Variants in SMG1 observed in about 807,000 individuals in gnomAD.
SMG1 encodes the protein serine/threonine-protein kinase SMG1.
Under a neutral mutation model 419.9 loss-of-function variants are expected in SMG1, and 22 were observed. The observed-to-expected ratio is 0.05, with a 90% confidence interval of 0.04 to 0.07. The LOEUF is 0.07. SMG1 is among the 10% of genes least tolerant of loss of function. The probability of loss-of-function intolerance (pLI) is 1.00; values close to 1 mark genes in which losing one functional copy is unlikely to be tolerated. For missense variants in SMG1, 3,185 were observed against 4,342.0 expected (o/e 0.73, Z 7.49); for synonymous variants, 1,538 against 1,553.5 (o/e 0.99, Z 0.23).
chr16:18,877,762 T>A (rs1467162055), intron 11 of SMG1: 14 of 153,010 alleles, frequency 9.1e-5, no homozygotes, highest in Admixed American at 9.1e-4. Flanking sequence ...GAAAAATATA[T>A]CTAAGCTATA....
chr16:18,835,066 C>T lies in SMG1; in HGVS notation c.8156G>A (p.Ser2719Asn), dbSNP rs759072906. 2 of 1,614,002 alleles carry T rather than the reference C, an allele frequency of 1.2e-6. No homozygotes were observed. The highest frequency in any genetic ancestry group is 4.5e-5 in the East Asian group (2 of 44,882). Reference sequence around the variant, plus strand: ...GCGTTCCACTTGTCTAATAAGTCTGCTGTTGATGTCTGCTGCGTATCGCTG... The same window carrying T: ...GCGTTCCACTTGTCTAATAAGTCTGTTGTTGATGTCTGCTGCGTATCGCTG... ...TLQRYAADIN[S>N]RLIRQVERLK... Residue 2719 changes from serine to asparagine, a missense_variant, in exon 49 of 63, where the codon AGC becomes AAC. Coordinates refer to ENST00000446231, the MANE Select transcript of SMG1 (RefSeq NM_015092.5).
chr16:18,872,677 G>A, intron 13 of SMG1, 53 bp from the exon 14 acceptor site: 1 of 1,268,742 alleles, frequency 7.9e-7, no homozygotes, highest in Non-Finnish European at 1.1e-6. Context: ...ATAAGCACAA[G>A]CATACAGAGT....
At chr16:18,890,783 T>A in intron 5 of SMG1, 80 bp downstream of exon 5, 1 of 742,082 alleles carries the variant, frequency 1.3e-6, no homozygotes, top group Non-Finnish European at 2.4e-6. Flanking sequence ...GCCAGTGGGT[T>A]TGTCTTCTTG....
Position 18,833,406 on chromosome 16 carries a change from T to C in SMG1, c.8566-240A>G, listed in dbSNP as rs182587103. Among the ~76,000 whole-genome samples, 757 of 152,286 alleles carry C rather than the reference T, an allele frequency of 5.0e-3. 6 individuals carry two copies. Among genetic ancestry groups the C allele is most frequent in the Middle Eastern group, 0.024 (7 of 294 alleles). On this transcript the variant is annotated intron_variant, in intron 50 of 62. Coordinates refer to ENST00000446231, the MANE Select transcript of SMG1 (RefSeq NM_015092.5). ...TTCAAATGACTTTAAAAAGTTGTCATATAATTAAACATTCCTAGGATGATG... is the reference window on the plus strand; with the variant it reads ...TTCAAATGACTTTAAAAAGTTGTCACATAATTAAACATTCCTAGGATGATG...
Position 18,805,720 on chromosome 16 carries a change from G to GT in SMG1, c.*3848dup, listed in dbSNP as rs1247701102. On this transcript the variant is annotated 3_prime_UTR_variant, in exon 63 of 63. Transcript: ENST00000446231. Reference sequence around the variant, plus strand: ...ACAAAATCTACCTTCTTTAACCCTTGTATTAGTAATTCTACCTCCTTGGCT... The same window carrying GT: ...ACAAAATCTACCTTCTTTAACCCTTGTTATTAGTAATTCTACCTCCTTGGCT... The GT allele has an allele frequency of 1.3e-5, 2 of 152,070 alleles. No homozygotes were observed. Among genetic ancestry groups the GT allele is most frequent in the Non-Finnish European group, 2.9e-5 (2 of 68,014 alleles). The allele number at this position is 152,070 out of a possible 1,614,324, so 9.4% of individuals were successfully genotyped here. A position where few individuals can be genotyped will look rare whatever the true frequency, so the allele number is the denominator to read the frequency against.
In SMG1 at chr16:18,806,189, G is replaced by C. The variant is rs1034461009; in HGVS notation, c.*3380C>G. ...CTCTTTCCTTAAATTTCACACGTCAGAACAACCACAATTAAAAAAACAAAA... is the reference window on the plus strand; with the variant it reads ...CTCTTTCCTTAAATTTCACACGTCACAACAACCACAATTAAAAAAACAAAA... On this transcript the variant is annotated 3_prime_UTR_variant, in exon 63 of 63. Transcript: ENST00000446231. 1 of 152,368 alleles carries C rather than the reference G, an allele frequency of 6.6e-6. No homozygotes were observed. Among genetic ancestry groups the C allele is most frequent in the Non-Finnish European group, 1.5e-5 (1 of 67,982 alleles). 9.4% of individuals were successfully genotyped at this position (152,368 alleles called of 1,614,324 possible).
intron 1 of SMG1, among the ~76,000 whole-genome samples, chr16:18,898,132 T>C (rs2037207827): frequency 1.3e-5 from 2 of 152,170 alleles, no homozygotes; most frequent in African/African-American, 4.8e-5. Context: ...ATACTAAACA[T>C]AAAACTTAGC....
rs1188483479 is a variant in SMG1, at chr16:18,850,410, C to A, written c.5110G>T (p.Val1704Phe). Residue 1704 changes from valine to phenylalanine, a missense_variant, in exon 34 of 63, where the codon GTT becomes TTT. This residue lies in a region of SMG1 where 493 missense variants were observed against 552.9 expected (regional missense o/e 0.89). Transcript: ENST00000446231. Reference protein sequence around the residue: ...ESEDNEEDDMVDVIWRQLISS... With the variant: ...ESEDNEEDDMFDVIWRQLISS... ...ATCAACTGACGCCAGATAACATCAACCATGTCATCTTCTTCGTTGTCTTCA... is the reference window on the plus strand; with the variant it reads ...ATCAACTGACGCCAGATAACATCAAACATGTCATCTTCTTCGTTGTCTTCA... 5.6e-6 allele frequency: 9 copies of A among 1,613,880 alleles called. No individual in the cohort carries two copies. Among genetic ancestry groups the A allele is most frequent in the Non-Finnish European group, 7.6e-6 (9 of 1,179,858 alleles).
At position 18,817,118 on chromosome 16, in the gene SMG1, C is replaced by CG. The variant is rs11332992; in HGVS notation, c.10074+172dup. 5.1e-3 allele frequency among the ~76,000 whole-genome samples: 450 copies of CG among 87,426 alleles called. 9 individuals carry two copies. Among genetic ancestry groups the CG allele is most frequent in the African/African-American group, 0.021 (348 of 16,228 alleles). 57.4% of individuals were successfully genotyped at this position (87,426 alleles called of 152,430 possible). A position where few individuals can be genotyped will look rare whatever the true frequency, so the allele number is the denominator to read the frequency against. On this transcript the variant is annotated intron_variant, in intron 57 of 62. Coordinates refer to ENST00000446231, the MANE Select transcript of SMG1 (RefSeq NM_015092.5). ...TTTAAACATATAATATGTTTCGGGG[C>CG]GGGGGGGGGGGCGCTAAGAAAATAA...
At chr16:18,858,645 T>C (rs1031943548) in intron 28 of SMG1, 8 of 213,592 alleles carry the variant, frequency 3.7e-5, no homozygotes, top group African/African-American at 1.8e-4. Flanking sequence ...TTCTCGAAGA[T>C]CATCATTCAT....
At chr16:18,882,373 T>C (rs756859829) in intron 9 of SMG1, 35 bp from the exon 10 acceptor site, 15 of 1,236,502 alleles carry the variant, frequency 1.2e-5, no homozygotes, top group Admixed American at 2.8e-5. Flanking sequence ...TAATAAGTAG[T>C]ACATTGTTTT....
intron 49 of SMG1, 127 bp from the exon 50 acceptor site, chr16:18,834,565 C>A (rs553970999): frequency 1.2e-6 from 1 of 865,998 alleles, no homozygotes; most frequent in Non-Finnish European, 1.8e-6. Context: ...TGACTTCAGG[C>A]CAGGAGTTCG....
At chr16:18,879,789 T>C (rs994819962) in intron 10 of SMG1, 70 bp from the exon 11 acceptor site, 92 of 949,668 alleles carry the variant, frequency 9.7e-5, no homozygotes, top group Non-Finnish European at 3.1e-5. Context: ...AAAATACTTT[T>C]TATTTAATGC....
intron 31 of SMG1, among the ~76,000 whole-genome samples, 170 bp from the exon 32 acceptor site, chr16:18,852,632 T>C (rs1287676259): frequency 6.6e-6 from 1 of 152,252 alleles, no homozygotes; most frequent in Non-Finnish European, 1.5e-5. Context: ...AATTATGTTC[T>C]CTAAAAGGTT....
At chr16:18,865,411 G>A (rs2035447473) in intron 23 of SMG1, among the ~76,000 whole-genome samples, 1 of 152,112 alleles carries the variant, frequency 6.6e-6, no homozygotes, top group African/African-American at 2.4e-5. Context: ...TTTCTGTAGA[G>A]TAGCTTAGCA....
chr16:18,809,762 C>A, intron 62 of SMG1, 116 bp from the exon 63 acceptor site: 1 of 704,592 alleles, frequency 1.4e-6, no homozygotes, highest in South Asian at 1.7e-5. Flanking sequence ...TCTATACTTA[C>A]CCTGCTCCTG....
chr16:18,909,509 T>G (rs948624784), intron 1 of SMG1, among the ~76,000 whole-genome samples: 2 of 152,042 alleles, frequency 1.3e-5, no homozygotes, highest in African/African-American at 4.8e-5. Flanking sequence ...TGAGACTGTG[T>G]CTCTAAAGAA....
chr16:18,869,135 G>C lies in SMG1; in HGVS notation c.2802C>G (p.Gly934=). The C allele has an allele frequency of 6.2e-7, 1 of 1,611,522 alleles. No homozygotes were observed. Among genetic ancestry groups the C allele is most frequent in the East Asian group, 2.2e-5 (1 of 44,876 alleles). Residue 934 remains glycine (G), a synonymous_variant, in exon 20 of 63, where the codon GGC becomes GGG. Transcript: ENST00000446231. ...TTGTCTGGAAGGTGTCTTGAGCTCT[G>C]CCCAGTGGGGTTCTCAGCTTAGAAA... The part of the protein sequence containing the change: ...TVLSKLRTPL[G]RAQDTFQTIE...
At chr16:18,919,409 C>T (rs1053852253) in intron 1 of SMG1, among the ~76,000 whole-genome samples, 2 of 151,134 alleles carry the variant, frequency 1.3e-5, no homozygotes, top group Non-Finnish European at 3.0e-5. Context: ...CGGATCATGA[C>T]ATCAGAAGAT....
Sources: allele counts gnomAD v4.1 joint callset (sites outside exome capture counted in the v4.1 genomes callset), GRCh38; gene constraint gnomAD v4.1.1; regional missense constraint gnomAD v4.1.1; transcripts MANE v1.5; gene names NCBI Gene and HGNC (gene_info 2026-07-23, HGNC 2026-07-21).